Variants in MARCHF8 observed in about 807,000 individuals in gnomAD.
MARCHF8 encodes membrane associated ring-CH-type finger 8.
Under a neutral mutation model 51.6 loss-of-function variants are expected in MARCHF8, and 40 were observed. The observed-to-expected ratio is 0.77, with a 90% CI of 0.60 to 1.01. MARCHF8 has a LOEUF of 1.01. Ranked by LOEUF, MARCHF8 falls within the 50% of genes least tolerant of loss-of-function variation. The pLI is 0.00. For synonymous variants in MARCHF8, 263 were observed against 280.3 expected (o/e 0.94, Z 0.62); for missense variants, 685 against 708.6 (o/e 0.97, Z 0.38).
intron 2 of MARCHF8, among the ~76,000 whole-genome samples, chr10:45,494,436 A>T (rs887878300): frequency 2.4e-4 from 36 of 151,094 alleles, no homozygotes; most frequent in African/African-American, 7.0e-4. Flanking sequence ...ACTGGTCCTT[A>T]AAAAAAAAGA....
intron 2 of MARCHF8, among the ~76,000 whole-genome samples, chr10:45,503,268 T>C (rs1019847378): frequency 2.0e-5 from 3 of 152,260 alleles, no homozygotes; most frequent in African/African-American, 7.2e-5. Context: ...CCGGGCACGG[T>C]GGCTCACACC....
rs147143234 is a variant in MARCHF8 at position 45,584,616 on chromosome 10, C to T, written c.-79+9619G>A. On this transcript the variant is annotated intron_variant, in intron 1 of 6. Coordinates refer to the MARCHF8 transcript ENST00000319836. ...TAGTCAGAAATCTAAAGATAGTCCT[C>T]CAAGATTCCTGCCCCTGGTTATTCA... 6.6e-5 allele frequency among the ~76,000 whole-genome samples: 10 copies of T among 152,210 alleles called. No homozygotes were observed. In the East Asian group the frequency reaches 1.5e-3, roughly 24 times the overall value.
At chr10:45,593,232 C>T (rs1015686658) in intron 1 of MARCHF8, among the ~76,000 whole-genome samples, 9 of 149,808 alleles carry the variant, frequency 6.0e-5, no homozygotes, top group Non-Finnish European at 1.2e-4. Context: ...GTATGGTTTC[C>T]CTCTTGTAAC....
chr10:45,506,847 C>T (rs2043395080), intron 2 of MARCHF8, among the ~76,000 whole-genome samples: 1 of 152,152 alleles, frequency 6.6e-6, no homozygotes, highest in African/African-American at 2.4e-5. Context: ...TGTGATTCTT[C>T]AGTTGCTTCA....
intron 1 of MARCHF8, among the ~76,000 whole-genome samples, chr10:45,545,593 T>C: frequency 6.6e-6 from 1 of 152,212 alleles, no homozygotes; most frequent in East Asian, 1.9e-4. Context: ...AGAATAATTT[T>C]AGAAGATGAC....
chr10:45,533,020 C>T, intron 2 of MARCHF8, 90 bp downstream of exon 2: 1 of 961,174 alleles, frequency 1.0e-6, no homozygotes, highest in East Asian at 2.9e-5. Context: ...CAGAGAAAAC[C>T]TGACCTTTAG....
At position 45,550,092 on chromosome 10, in the gene MARCHF8, A is replaced by T. The variant is rs141693380; in HGVS notation, c.-78-16803T>A. Among the ~76,000 whole-genome samples the T allele has an allele frequency of 4.9e-3, 740 of 152,256 alleles. 5 individuals are homozygous for T. Among genetic ancestry groups the T allele is most frequent in the Non-Finnish European group, 7.4e-3 (505 of 68,004 alleles). ...GAGCCGTTTTGTAACAATTTACCAC[A>T]TGTTGTTTTCGCTGCTTTTTCCTCT... On this transcript the variant is annotated intron_variant, in intron 1 of 6. Coordinates refer to the MARCHF8 transcript ENST00000319836.
chr10:45,587,971 T>C (rs1199012490), intron 1 of MARCHF8, among the ~76,000 whole-genome samples: 1 of 152,084 alleles, frequency 6.6e-6, no homozygotes, highest in Non-Finnish European at 1.5e-5. Context: ...TGTGTATTCA[T>C]AAAGGAAAGT....
intron 1 of MARCHF8, among the ~76,000 whole-genome samples, chr10:45,580,770 C>T (rs1252134548): frequency 6.6e-6 from 1 of 152,122 alleles, no homozygotes; most frequent in Non-Finnish European, 1.5e-5. Context: ...ATACCACATA[C>T]CTGATTAGTA....
intron 1 of MARCHF8, among the ~76,000 whole-genome samples, chr10:45,570,354 T>C (rs2044415397): frequency 1.3e-5 from 2 of 152,170 alleles, no homozygotes; most frequent in African/African-American, 4.8e-5. Flanking sequence ...AAAATTTGGA[T>C]TCACATATAA....
intron 1 of MARCHF8, among the ~76,000 whole-genome samples, chr10:45,564,056 A>G (rs1015931954): frequency 6.6e-6 from 1 of 152,192 alleles, no homozygotes; most frequent in Non-Finnish European, 1.5e-5. Flanking sequence ...CAGGTGGATC[A>G]CCTGAGGTCA....
At chr10:45,557,856 T>C (rs1181243010) in intron 1 of MARCHF8, among the ~76,000 whole-genome samples, 2 of 152,112 alleles carry the variant, frequency 1.3e-5, no homozygotes, top group African/African-American at 4.8e-5. Context: ...GACTCACAGG[T>C]GCCTTAGGTC....
chr10:45,478,451 A>G (rs939674849), intron 3 of MARCHF8, among the ~76,000 whole-genome samples: 2 of 152,194 alleles, frequency 1.3e-5, no homozygotes, highest in Non-Finnish European at 2.9e-5. Context: ...AAAGATTTCA[A>G]ACAAACAATC....
intron 1 of MARCHF8, among the ~76,000 whole-genome samples, chr10:45,586,436 C>G (rs1243856230): frequency 6.6e-6 from 1 of 152,114 alleles, no homozygotes; most frequent in Non-Finnish European, 1.5e-5. Context: ...AGATTATACT[C>G]TTTCCGGTGT....
chr10:45,562,570 T>G (rs925735683), intron 1 of MARCHF8, among the ~76,000 whole-genome samples: 1 of 152,120 alleles, frequency 6.6e-6, no homozygotes, highest in African/African-American at 2.4e-5. Context: ...AATCAAGATA[T>G]TCCCAGCTAA....
upstream of MARCHF8, among the ~76,000 whole-genome samples, chr10:45,538,905 TCAA>T (rs1165918442): frequency 6.6e-6 from 1 of 152,168 alleles, no homozygotes; most frequent in Non-Finnish European, 1.5e-5. Context: ...ATTAGACAGA[TCAA>T]CGAGACAGAA....
chr10:45,477,662 G>C (rs1240672877), intron 3 of MARCHF8, among the ~76,000 whole-genome samples: 1 of 152,164 alleles, frequency 6.6e-6, no homozygotes, highest in Non-Finnish European at 1.5e-5. Context: ...ACTATATGCT[G>C]TGTACAAGAA....
chr10:45,568,826 T>C lies in MARCHF8; in HGVS notation c.-79+25409A>G, dbSNP rs184455601. 5.3e-5 allele frequency among the ~76,000 whole-genome samples: 8 copies of C among 151,758 alleles called. No individual in the cohort carries two copies. The East Asian group carries it at 1.2e-3, about 22-fold the overall frequency. On this transcript the variant is annotated intron_variant, in intron 1 of 6. Transcript: ENST00000319836. Reference sequence around the variant, plus strand: ...GCTTACACCTGTAATCCCAACACTTTGGGAGCCCAAGGCAGGTGGATCACG... The same window carrying C: ...GCTTACACCTGTAATCCCAACACTTCGGGAGCCCAAGGCAGGTGGATCACG...
chr10:45,457,213 T>C lies in MARCHF8; in HGVS notation c.*1026A>G, dbSNP rs1230762428. 1 of 151,828 alleles carries C rather than the reference T, an allele frequency of 6.6e-6. No individual in the cohort carries two copies. The highest frequency in any genetic ancestry group is 1.5e-5 in the Non-Finnish European group (1 of 67,908). 9.4% of individuals were successfully genotyped at this position (151,828 alleles called of 1,614,324 possible). Reference sequence around the variant, plus strand: ...AACACCAACTGGAGAGATTTAACTATAAAGGAATATTTTTTAAATATTCAG... The same window carrying C: ...AACACCAACTGGAGAGATTTAACTACAAAGGAATATTTTTTAAATATTCAG... On this transcript the variant is annotated 3_prime_UTR_variant, in exon 8 of 8. Coordinates refer to ENST00000453424, the MANE Select transcript of MARCHF8 (RefSeq NM_001282866.2).
Sources: allele counts gnomAD v4.1 joint callset (sites outside exome capture counted in the v4.1 genomes callset), GRCh38; gene constraint gnomAD v4.1.1; transcripts MANE v1.5; gene names NCBI Gene and HGNC (gene_info 2026-07-23, HGNC 2026-07-21).